Variants in UNC13B observed in about 807,000 individuals in gnomAD.
The protein encoded by UNC13B is protein unc-13 homolog B.
Under a neutral mutation model 211.0 loss-of-function variants are expected in UNC13B, and 144 were observed. The ratio of observed to expected loss-of-function variants is 0.68; its 90% CI spans 0.60 to 0.78. The LOEUF (loss-of-function observed/expected upper bound fraction) is 0.78. UNC13B is among the 30% of genes least tolerant of loss of function. The pLI is 0.00. For missense variants in UNC13B, 1,777 were observed against 2,002.0 expected, an observed-to-expected ratio of 0.89 and a Z score of 2.14; for synonymous variants, 709 against 725.8, an observed-to-expected ratio of 0.98 and a Z score of 0.37.
intron 11 of UNC13B, among the ~76,000 whole-genome samples, chr9:35,324,216 C>G (rs1830886347): frequency 6.6e-6 from 1 of 152,150 alleles, no homozygotes; most frequent in Non-Finnish European, 1.5e-5. Context: ...TAGAACCCTA[C>G]TTTCCAAAGC....
Position 35,396,909 on chromosome 9 carries a change from G to T in UNC13B, c.11504G>T (p.Gly3835Val). 1 of 1,614,122 alleles carries T rather than the reference G, an allele frequency of 6.2e-7. No individual in the cohort carries two copies. The highest frequency in any genetic ancestry group is 8.5e-7 in the Non-Finnish European group (1 of 1,180,016). The change falls in exon 28 of 40, where the codon GGG (glycine) becomes GTG (valine). Residue 3835 changes from glycine (G) to valine (V), a missense_variant. Coordinates refer to ENST00000635942, the MANE Select transcript of UNC13B (RefSeq NM_001371189.2). Reference sequence around the variant, plus strand: ...GATGTATCCCTGGAATTCCTGCGTGGGGCCCTGGAACGAGATAAGAAGGAT... The same window carrying T: ...GATGTATCCCTGGAATTCCTGCGTGTGGCCCTGGAACGAGATAAGAAGGAT... ...NEDVSLEFLRGALERDKKDGF... is the reference protein window; with the variant it reads ...NEDVSLEFLRVALERDKKDGF...
intron 1 of UNC13B, among the ~76,000 whole-genome samples, chr9:35,165,573 A>G (rs1564037565): frequency 1.3e-5 from 2 of 151,844 alleles, no homozygotes; most frequent in Admixed American, 6.6e-5. Flanking sequence ...GCCTGCCACC[A>G]TGCCTGGCTA....
chr9:35,400,190 G>A, intron 36 of UNC13B, 106 bp from the exon 37 acceptor site: 1 of 1,491,278 alleles, frequency 6.7e-7, no homozygotes, highest in Middle Eastern at 2.0e-4. Flanking sequence ...GGGTGTTCCT[G>A]AACAGCCTAT....
At position 35,290,383 on chromosome 9, in the gene UNC13B, G is replaced by A. The variant is rs58224389; in HGVS notation, c.527-5313G>A. Among the ~76,000 whole-genome samples, 126 of 151,368 alleles carry A rather than the reference G, an allele frequency of 8.3e-4. 1 individual carries two copies. Among genetic ancestry groups the A allele is most frequent in the African/African-American group, 3.0e-3 (122 of 41,318 alleles). ...AGAAAAATTAGATCTCTGTCTCTAA[G>A]AAACCCTTCCTTGTCTCTGCGTTCA... is the stretch of plus-strand genomic sequence containing the variant. On this transcript the variant is annotated intron_variant, in intron 7 of 39. Coordinates refer to ENST00000635942, the MANE Select transcript of UNC13B (RefSeq NM_001371189.2).
At chr9:35,378,152 C>G (rs1834565135) in intron 16 of UNC13B, 143 bp from the exon 17 acceptor site, 2 of 1,226,546 alleles carry the variant, frequency 1.6e-6, no homozygotes, top group Admixed American at 2.8e-5. Context: ...GCTGGTGGCC[C>G]AGGACAAAGA....
rs374314886 is a variant in UNC13B at position 35,280,954 on chromosome 9, A to T, written c.527-14742A>T. 7.5e-4 allele frequency among the ~76,000 whole-genome samples: 114 copies of T among 152,296 alleles called. 1 individual carries two copies. The South Asian group carries it at 0.018, about 25-fold the overall frequency. On this transcript the variant is annotated intron_variant, in intron 7 of 39. Coordinates refer to ENST00000635942, the MANE Select transcript of UNC13B (RefSeq NM_001371189.2). The stretch of plus-strand genomic sequence containing the variant: ...TGTGTGTTGTATATGCATAAAGGTC[A>T]GTTATTACCATAAAAGCGTGGTCAT...
rs141942832 is a variant in UNC13B at position 35,375,186 on chromosome 9, T to G, written c.9600T>G (p.Leu3200=). The change falls in exon 14 of 40, where the codon CTT becomes CTG. Residue 3200 remains leucine, a synonymous_variant. Transcript: ENST00000635942. ...CTGCAATGGCTACACGCACTTCTCT[T>G]AAGGACGAAGAGCTGGTAAGTGTCC... The part of the protein sequence containing the change: ...ITSAMATRTS[L]KDEELKSHVY... 3.8e-4 allele frequency: 609 copies of G among 1,613,982 alleles called. 3 individuals are homozygous for G. The highest frequency in any genetic ancestry group is 9.9e-4 in the Middle Eastern group (6 of 6,082).
intron 1 of UNC13B, among the ~76,000 whole-genome samples, chr9:35,208,792 A>G (rs964402648): frequency 3.3e-5 from 5 of 152,138 alleles, no homozygotes; most frequent in Non-Finnish European, 7.4e-5. Flanking sequence ...GGGGATTGCA[A>G]TTCAACATGA....
At chr9:35,273,842 G>C (rs1159539046) in intron 7 of UNC13B, among the ~76,000 whole-genome samples, 2 of 152,198 alleles carry the variant, frequency 1.3e-5, no homozygotes, top group African/African-American at 4.8e-5. Flanking sequence ...ACTTGCTTTC[G>C]TAGTTGGGTC....
At chr9:35,353,713 TA>T in intron 11 of UNC13B, 1 of 1,232,112 alleles carries the variant, frequency 8.1e-7, no homozygotes, top group Non-Finnish European at 1.0e-6. Context: ...TCAACAATTT[TA>T]AGAATGTTCT....
intron 11 of UNC13B, among the ~76,000 whole-genome samples, chr9:35,315,042 A>G (rs1365874674): frequency 2.0e-5 from 3 of 147,710 alleles, no homozygotes; most frequent in Non-Finnish European, 4.5e-5. Context: ...ATGCCTGGCT[A>G]ATTTAAAAAA....
At position 35,402,473 on chromosome 9, in the gene UNC13B, G is replaced by A. The variant is rs556374194; in HGVS notation, c.12485-694G>A. ...ATTTTTTTGTATTTTTAGTAGAGAC[G>A]GGGTTTCACCATGTTAGCCAGGATG... On this transcript the variant is annotated intron_variant, in intron 37 of 39. Coordinates refer to ENST00000635942, the MANE Select transcript of UNC13B (RefSeq NM_001371189.2). 7.9e-5 allele frequency among the ~76,000 whole-genome samples: 12 copies of A among 151,814 alleles called. No individual in the cohort carries two copies. In the South Asian group the frequency reaches 1.7e-3, roughly 21 times the overall value.
intron 11 of UNC13B, chr9:35,352,307 T>C (rs559029099): frequency 1.2e-3 from 1,478 of 1,232,164 alleles, no homozygotes; most frequent in Non-Finnish European, 1.2e-3. Context: ...TAAAAAGGCT[T>C]ACAGGGCAGG....
rs1439389327 is a variant in UNC13B, at chr9:35,308,269, G to A, written c.8865G>A (p.Glu2955=). ...SSPACPSGKH[E]EEPSTVSEIF... ...CCGCCTGTCCTTCAGGGAAACATGA[G>A]GAAGAACCCTCCACTGTCTCTGAGA... Residue 2955 remains glutamate, a synonymous_variant, in exon 9 of 40, where the codon GAG becomes GAA. Transcript: ENST00000635942. The A allele has an allele frequency of 2.5e-6, 1 of 399,030 alleles. No individual in the cohort carries two copies. The highest frequency in any genetic ancestry group is 2.1e-5 in the African/African-American group (1 of 48,620). 24.7% of individuals were successfully genotyped at this position (399,030 alleles called of 1,614,324 possible). A position where few individuals can be genotyped will look rare whatever the true frequency, so the allele number is the denominator to read the frequency against.
intron 11 of UNC13B, among the ~76,000 whole-genome samples, chr9:35,343,956 A>T (rs1380589369): frequency 6.6e-6 from 1 of 152,148 alleles, no homozygotes; most frequent in African/African-American, 2.4e-5. Flanking sequence ...TGGGTTAGAT[A>T]AAATATATTA....
At chr9:35,268,164 G>C (rs1827678143) in intron 7 of UNC13B, among the ~76,000 whole-genome samples, 1 of 152,088 alleles carries the variant, frequency 6.6e-6, no homozygotes, top group South Asian at 2.1e-4. Flanking sequence ...TCCTCACTTG[G>C]ATTCAGAGCA....
intron 6 of UNC13B, among the ~76,000 whole-genome samples, chr9:35,245,599 G>A (rs1315875417): frequency 6.7e-6 from 1 of 148,606 alleles, no homozygotes; most frequent in African/African-American, 2.5e-5. Flanking sequence ...AACATGCGAT[G>A]TTTGGTTTTT....
intron 1 of UNC13B, among the ~76,000 whole-genome samples, chr9:35,207,810 C>T (rs1361721313): frequency 3.9e-5 from 6 of 152,114 alleles, no homozygotes; most frequent in East Asian, 3.8e-4. Flanking sequence ...CTGTGCTTTT[C>T]GCTTTCTTAA....
chr9:35,358,510 T>A (rs1292114416), intron 11 of UNC13B, among the ~76,000 whole-genome samples: 1 of 152,146 alleles, frequency 6.6e-6, no homozygotes, highest in African/African-American at 2.4e-5. Context: ...TTGTAATGGG[T>A]ATGAAGTAGA....
Sources: gnomAD v4.1 joint callset for allele counts (sites outside exome capture counted in the v4.1 genomes callset) on GRCh38, gnomAD v4.1.1 for gene constraint, MANE v1.5 for transcripts, NCBI Gene and HGNC (gene_info 2026-07-23, HGNC 2026-07-21) for gene names.